TSPAN13: variants seen among roughly 807,000 people sequenced by gnomAD.
TSPAN13 encodes the protein tetraspanin-13.
A neutral mutation model predicts 26.9 loss-of-function variants in TSPAN13; 18 were observed. The ratio of observed to expected loss-of-function variants is 0.67; its 90% CI spans 0.46 to 0.99. The LOEUF is 0.99. TSPAN13 is among the 50% of genes least tolerant of loss of function. The pLI is 0.00. For synonymous variants in TSPAN13, 116 were observed against 98.4 expected (o/e 1.18, Z -1.06); for missense variants, 201 against 249.6 (o/e 0.81, Z 1.31).
chr7:16,767,661 C>T (rs12535558), intron 1 of TSPAN13, among the ~76,000 whole-genome samples: 44,309 of 151,916 alleles, frequency 0.29, 7,093 homozygotes, highest in Admixed American at 0.36. Context: ...TATATTCCTA[C>T]TTGTACACAA....
rs567085389 is a variant in TSPAN13, at chr7:16,762,164, A to C, written c.63+8134A>C. Among the ~76,000 whole-genome samples the C allele has an allele frequency of 7.2e-5, 11 of 152,328 alleles. No individual in the cohort carries two copies. The East Asian group carries it at 1.9e-3, about 27-fold the overall frequency. ...GATATTTGATGAAAGATTGAAGGTT[A>C]TGTAGACAGAGAATAATATGGAACA... On this transcript the variant is annotated intron_variant, in intron 1 of 5. Transcript: ENST00000262067.
At chr7:16,754,086 C>G in intron 1 of TSPAN13, 56 bp downstream of exon 1, 6 of 1,565,984 alleles carry the variant, frequency 3.8e-6, no homozygotes, top group Non-Finnish European at 5.2e-6. Context: ...TGCTTGGGAG[C>G]TCTTTGGCTT....
chr7:16,765,467 C>G (rs1023520618), intron 1 of TSPAN13, among the ~76,000 whole-genome samples: 1 of 152,192 alleles, frequency 6.6e-6, no homozygotes, highest in Non-Finnish European at 1.5e-5. Flanking sequence ...TCAGTAGACT[C>G]TACTCATGTG....
chr7:16,777,733 C>A, intron 3 of TSPAN13, 65 bp from the exon 4 acceptor site: 1 of 1,215,256 alleles, frequency 8.2e-7, no homozygotes, highest in Non-Finnish European at 1.2e-6. Flanking sequence ...CTAAAAGTTA[C>A]AGGCTCCAGC....
At chr7:16,779,286 AACTTTAGG>A (rs1334578386) in intron 5 of TSPAN13, among the ~76,000 whole-genome samples, 170 bp downstream of exon 5, 2 of 152,236 alleles carry the variant, frequency 1.3e-5, no homozygotes, top group Non-Finnish European at 2.9e-5. Flanking sequence ...TAATAGCACC[AACTTTAGG>A]ACCGGGTGAA....
intron 1 of TSPAN13, among the ~76,000 whole-genome samples, chr7:16,759,598 T>A (rs1450480739): frequency 6.6e-6 from 1 of 152,052 alleles, no homozygotes; most frequent in African/African-American, 2.4e-5. Context: ...CTAAAGGAGA[T>A]GAAGAACAGT....
intron 5 of TSPAN13, among the ~76,000 whole-genome samples, chr7:16,781,079 T>G (rs1254818935): frequency 6.6e-6 from 1 of 152,202 alleles, no homozygotes; most frequent in East Asian, 1.9e-4. Flanking sequence ...TTTGAACTAT[T>G]TATTATACCT....
intron 1 of TSPAN13, among the ~76,000 whole-genome samples, chr7:16,766,259 A>G (rs1784601896): frequency 6.6e-6 from 1 of 152,234 alleles, no homozygotes; most frequent in Non-Finnish European, 1.5e-5. Flanking sequence ...TGTTCATTAG[A>G]AAATTGATTA....
At chr7:16,770,447 T>C (rs948975640) in intron 1 of TSPAN13, among the ~76,000 whole-genome samples, 2 of 152,196 alleles carry the variant, frequency 1.3e-5, no homozygotes, top group African/African-American at 2.4e-5. Flanking sequence ...TGACCTCAAG[T>C]GATCCACCCG....
chr7:16,777,630 A>G (rs918756721), intron 3 of TSPAN13, among the ~76,000 whole-genome samples, 168 bp from the exon 4 acceptor site: 2 of 152,228 alleles, frequency 1.3e-5, no homozygotes, highest in African/African-American at 4.8e-5. Flanking sequence ...TGGGATAGAA[A>G]TAGTGCCTTA....
chr7:16,755,980 T>C (rs1269424416), intron 1 of TSPAN13, among the ~76,000 whole-genome samples: 2 of 152,174 alleles, frequency 1.3e-5, no homozygotes, highest in Non-Finnish European at 2.9e-5. Flanking sequence ...ACAATAAAAA[T>C]GGCTAGCCCT....
At chr7:16,771,043 C>A (rs1446369596) in intron 1 of TSPAN13, among the ~76,000 whole-genome samples, 1 of 152,186 alleles carries the variant, frequency 6.6e-6, no homozygotes, top group Admixed American at 6.5e-5. Context: ...GGTCTCAGTT[C>A]CACTTCCTAG....
chr7:16,764,746 T>C (rs777540472), intron 1 of TSPAN13, among the ~76,000 whole-genome samples: 1 of 152,150 alleles, frequency 6.6e-6, no homozygotes, highest in Non-Finnish European at 1.5e-5. Context: ...TAATAGTGTC[T>C]TTAATATTAC....
rs1004665800 is a variant in TSPAN13, at chr7:16,753,949, G to T, written c.-19G>T. On this transcript the variant is annotated 5_prime_UTR_variant, in exon 1 of 6. Transcript: ENST00000262067. The stretch of plus-strand genomic sequence containing the variant: ...GGAGTCGAATTTACGTGCAGCTGCC[G>T]GCAACCACAGGTTCCAAGATGGTTT... 1.9e-6 allele frequency: 3 copies of T among 1,610,746 alleles called. No individual in the cohort carries two copies. The highest frequency in any genetic ancestry group is 2.5e-6 in the Non-Finnish European group (3 of 1,178,578).
intron 1 of TSPAN13, among the ~76,000 whole-genome samples, chr7:16,758,404 C>T (rs2115320665): frequency 6.6e-6 from 1 of 152,138 alleles, no homozygotes; most frequent in South Asian, 2.1e-4. Flanking sequence ...TCAGTCGTCC[C>T]CTCATGAAGC....
At chr7:16,765,191 C>T (rs1784592001) in intron 1 of TSPAN13, among the ~76,000 whole-genome samples, 1 of 152,122 alleles carries the variant, frequency 6.6e-6, no homozygotes, top group Non-Finnish European at 1.5e-5. Flanking sequence ...CAACCTTGAC[C>T]TCCTGGGCTG....
At chr7:16,768,618 C>G (rs1039327261) in intron 1 of TSPAN13, among the ~76,000 whole-genome samples, 4 of 152,168 alleles carry the variant, frequency 2.6e-5, no homozygotes, top group Admixed American at 6.5e-5. Flanking sequence ...GAAATTTTTC[C>G]TTACCCACAA....
chr7:16,760,639 C>G (rs956511348), intron 1 of TSPAN13, among the ~76,000 whole-genome samples: 1 of 152,016 alleles, frequency 6.6e-6, no homozygotes, highest in Non-Finnish European at 1.5e-5. Flanking sequence ...GGGCAGTGGT[C>G]CATGGATTGA....
chr7:16,767,653 T>G (rs115205013), intron 1 of TSPAN13, among the ~76,000 whole-genome samples: 6 of 152,312 alleles, frequency 3.9e-5, no homozygotes, highest in African/African-American at 1.4e-4. Context: ...CAACAATTTA[T>G]ATTCCTACTT....
Sources: gnomAD v4.1 joint callset for allele counts (sites outside exome capture counted in the v4.1 genomes callset) on GRCh38, gnomAD v4.1.1 for gene constraint, MANE v1.5 for transcripts, NCBI Gene and HGNC (gene_info 2026-07-23, HGNC 2026-07-21) for gene names.